Variants in RAB13 observed in about 807,000 individuals in gnomAD.
The protein encoded by RAB13 is ras-related protein Rab-13.
A neutral mutation model predicts 29.3 loss-of-function variants in RAB13; 15 were observed. That is an observed-to-expected ratio of 0.51 (90% CI 0.34 to 0.79). The LOEUF is 0.79. Among genes scored for constraint, RAB13 ranks in the 30% least tolerant of loss-of-function variants. The pLI is 0.01. For missense variants in RAB13, 186 were observed against 255.5 expected (o/e 0.73, Z 1.85); for synonymous variants, 82 against 93.8 (o/e 0.87, Z 0.73).
upstream of RAB13, among the ~76,000 whole-genome samples, chr1:153,989,494 C>T (rs1649289469): frequency 6.6e-6 from 1 of 151,542 alleles, no homozygotes; most frequent in Non-Finnish European, 1.5e-5. Flanking sequence ...CGTGATCCAC[C>T]CGCCTCGGCC....
intron 4 of RAB13, 127 bp from the exon 5 acceptor site, chr1:153,982,935 G>A (rs1649038165): frequency 1.1e-6 from 1 of 914,034 alleles, no homozygotes; most frequent in Non-Finnish European, 1.7e-6. Context: ...AGATCAGCCT[G>A]ACCAACATGG....
rs897055705 is a variant in RAB13, at chr1:153,984,903, G to A, written c.125-122C>T. ...AAATTCTGCAGGGGAGGCACTTGGG[G>A]AACAATCTTGTTGGAAATGCCAAGC... On this transcript the variant is annotated intron_variant, in intron 1 of 7. Coordinates refer to ENST00000368575, the MANE Select transcript of RAB13 (RefSeq NM_002870.5). 114 of 1,397,856 alleles carry A rather than the reference G, an allele frequency of 8.2e-5. No homozygotes were observed. The East Asian group carries it at 3.1e-3, about 38-fold the overall frequency. The allele number at this position is 1,397,856 out of a possible 1,614,324, so 86.6% of individuals were successfully genotyped here.
At chr1:153,989,653 G>A (rs1235099978), upstream of RAB13, among the ~76,000 whole-genome samples, 1 of 151,926 alleles carries the variant, frequency 6.6e-6, no homozygotes, top group Non-Finnish European at 1.5e-5. Context: ...AGCACTTTGG[G>A]AGACCGAGGC....
chr1:153,986,382 G>A (rs1474045684), upstream of RAB13: 3 of 689,238 alleles, frequency 4.4e-6, no homozygotes, highest in African/African-American at 3.6e-5. Context: ...AAAGAGGAGA[G>A]GCGGCACCCC....
chr1:153,986,858 G>GA (rs1200047939), upstream of RAB13, among the ~76,000 whole-genome samples: 1 of 152,114 alleles, frequency 6.6e-6, no homozygotes, highest in East Asian at 1.9e-4. Context: ...AATTCACTTT[G>GA]AAAAAAGCGG....
At chr1:153,986,814 G>A (rs1283021146), upstream of RAB13, among the ~76,000 whole-genome samples, 1 of 151,368 alleles carries the variant, frequency 6.6e-6, no homozygotes, top group Non-Finnish European at 1.5e-5. Flanking sequence ...GAATTTTACT[G>A]TTAGTTGTCC....
intron 1 of RAB13, 152 bp downstream of exon 1, chr1:153,985,961 T>C: frequency 7.3e-7 from 1 of 1,367,084 alleles, no homozygotes; most frequent in East Asian, 2.5e-5. Flanking sequence ...TACAGAGACA[T>C]GCACGGGGGA....
At chr1:153,989,923 A>G (rs997530443), upstream of RAB13, among the ~76,000 whole-genome samples, 11 of 152,122 alleles carry the variant, frequency 7.2e-5, no homozygotes, top group Admixed American at 6.6e-5. Flanking sequence ...ATAAAAAAAA[A>G]GAAGGCATCT....
intron 2 of RAB13, among the ~76,000 whole-genome samples, chr1:153,984,378 G>A (rs1417293351): frequency 1.3e-5 from 2 of 152,088 alleles, no homozygotes; most frequent in African/African-American, 4.8e-5. Flanking sequence ...ACCATATTTT[G>A]GAGAAAACAC....
chr1:153,982,368 C>T (rs1649010273), intron 7 of RAB13, 23 bp downstream of exon 7: 1 of 1,597,398 alleles, frequency 6.3e-7, no homozygotes, highest in Non-Finnish European at 8.6e-7. Flanking sequence ...AGAGTTGTAC[C>T]TAGTCCAGCA....
upstream of RAB13, among the ~76,000 whole-genome samples, chr1:153,989,157 C>A (rs1397171116): frequency 1.4e-4 from 20 of 143,504 alleles, no homozygotes; most frequent in African/African-American, 4.5e-4. Flanking sequence ...GTCTCGAACT[C>A]CCGACGTCAC....
chr1:153,987,142 A>ATC (rs1649193981), upstream of RAB13, among the ~76,000 whole-genome samples: 1 of 152,174 alleles, frequency 6.6e-6, no homozygotes, highest in Non-Finnish European at 1.5e-5. Flanking sequence ...TACTCCTGAA[A>ATC]TCTCACTCAA....
Position 153,982,591 on chromosome 1 carries a change from C to A in RAB13, c.424G>T (p.Glu142Ter), listed in dbSNP as rs1197789948. The A allele has an allele frequency of 6.2e-7, 1 of 1,613,650 alleles. No individual in the cohort carries two copies. Among genetic ancestry groups the A allele is most frequent in the African/African-American group, 1.3e-5 (1 of 74,894 alleles). ...GTTTCGAAAAATCGGATTCCATGCT[C>A]TCGAGCCAACTATAAGGGGTGAAGT... is the stretch of plus-strand genomic sequence containing the variant. Reference protein sequence around the residue: ...QKEQADKLAREHGIRFFETSA... With the variant: ...QKEQADKLAR Residue 142 changes from glutamate to a stop codon, truncating the protein, a stop_gained, in exon 6 of 8, where the codon GAG (glutamate) becomes TAG (stop). Transcript: ENST00000368575. LOFTEE classifies it high-confidence loss of function.
upstream of RAB13, among the ~76,000 whole-genome samples, chr1:153,988,825 T>C (rs1386748617): frequency 1.3e-5 from 2 of 149,298 alleles, 1 homozygote; most frequent in Non-Finnish European, 3.0e-5. Flanking sequence ...TTGGTCAGGC[T>C]GCTCTCGAAC....
intron 3 of RAB13, 69 bp from the exon 4 acceptor site, chr1:153,983,365 C>CATGGATGCGGGGTCA: frequency 1.3e-6 from 2 of 1,518,988 alleles, no homozygotes; most frequent in Non-Finnish European, 1.8e-6. Flanking sequence ...GTAAGTGACC[C>CATGGATGCGGGGTCA]CGCATCCATG....
intron 7 of RAB13, 51 bp downstream of exon 7, chr1:153,982,340 T>TAC (rs752731240): frequency 7.0e-5 from 96 of 1,368,108 alleles, no homozygotes; most frequent in Non-Finnish European, 8.3e-5. Flanking sequence ...CACACATACA[T>TAC]ACACACACAC....
chr1:153,983,704 T>A, intron 2 of RAB13, 123 bp from the exon 3 acceptor site: 2 of 809,124 alleles, frequency 2.5e-6, no homozygotes, highest in Non-Finnish European at 2.0e-6. Context: ...AAGGAAACAG[T>A]AAAGGGGAAC....
intron 6 of RAB13, 38 bp from the exon 7 acceptor site, chr1:153,982,482 A>C: frequency 6.2e-7 from 1 of 1,608,022 alleles, no homozygotes; most frequent in Non-Finnish European, 8.5e-7. Flanking sequence ...AGGGAGGAGA[A>C]TCTACCTTCT....
chr1:153,986,464 G>T, upstream of RAB13: 3 of 531,294 alleles, frequency 5.6e-6, no homozygotes, highest in Non-Finnish European at 1.0e-5. Flanking sequence ...CTGTTCTCTC[G>T]GTTTTCCCTT....
Sources: allele counts gnomAD v4.1 joint callset (sites outside exome capture counted in the v4.1 genomes callset), GRCh38; gene constraint gnomAD v4.1.1; transcripts MANE v1.5; gene names NCBI Gene and HGNC (gene_info 2026-07-23, HGNC 2026-07-21).